CAP2: variants seen among roughly 807,000 people sequenced by gnomAD.
CAP2 encodes the protein cyclase associated actin cytoskeleton regulatory protein 2, also known as adenylyl cyclase-associated protein 2.
A neutral mutation model predicts 57.7 loss-of-function variants in CAP2; 24 were observed. The observed-to-expected ratio is 0.42, with a 90% confidence interval of 0.30 to 0.58. The LOEUF (loss-of-function observed/expected upper bound fraction) is 0.58, where lower values mean the gene tolerates loss of function less well. CAP2 is among the 20% of genes least tolerant of loss of function. The probability of loss-of-function intolerance (pLI) is 0.22; values close to 1 mark genes in which losing one functional copy is unlikely to be tolerated. For synonymous variants in CAP2, 194 were observed against 207.2 expected (o/e 0.94, Z 0.55); for missense variants, 501 against 590.3 (o/e 0.85, Z 1.57).
At chr6:17,552,297 A>C (rs1216664832) in intron 12 of CAP2, among the ~76,000 whole-genome samples, 1 of 152,188 alleles carries the variant, frequency 6.6e-6, no homozygotes. Context: ...AAATAAGTAC[A>C]TTTCCTGGTT....
chr6:17,485,187 G>T (rs569848406), intron 4 of CAP2, among the ~76,000 whole-genome samples: 1 of 152,018 alleles, frequency 6.6e-6, no homozygotes, highest in African/African-American at 2.4e-5. Flanking sequence ...AGTACTGATG[G>T]CATTTTATGT....
chr6:17,551,744 G>T, intron 12 of CAP2, 140 bp downstream of exon 12: 1 of 633,360 alleles, frequency 1.6e-6, no homozygotes, highest in South Asian at 2.3e-5. Flanking sequence ...TCAGGGAGCT[G>T]TCTTCCACAT....
chr6:17,439,556 A>G (rs1415642873), intron 3 of CAP2, among the ~76,000 whole-genome samples: 2 of 151,336 alleles, frequency 1.3e-5, no homozygotes, highest in African/African-American at 4.9e-5. Flanking sequence ...GTTATTATAT[A>G]CTCATCAGAA....
chr6:17,541,767 A>G (rs1015208356), intron 9 of CAP2, among the ~76,000 whole-genome samples: 1 of 152,168 alleles, frequency 6.6e-6, no homozygotes, highest in Non-Finnish European at 1.5e-5. Context: ...CCTTCTGACT[A>G]TATGTTCGTA....
At chr6:17,407,651 C>T (rs907730114) in intron 1 of CAP2, among the ~76,000 whole-genome samples, 7 of 151,562 alleles carry the variant, frequency 4.6e-5, no homozygotes, top group Admixed American at 2.6e-4. Flanking sequence ...TGGTGATGCA[C>T]GCCTGTAATC....
intron 7 of CAP2, among the ~76,000 whole-genome samples, chr6:17,515,341 G>T (rs1762252289): frequency 6.6e-6 from 1 of 152,140 alleles, no homozygotes; most frequent in African/African-American, 2.4e-5. Flanking sequence ...ACTATCCTAA[G>T]CTAATTAACT....
chr6:17,497,196 G>T (rs1381344726), intron 4 of CAP2, among the ~76,000 whole-genome samples: 1 of 152,216 alleles, frequency 6.6e-6, no homozygotes, highest in African/African-American at 2.4e-5. Context: ...ATTGGTTTCA[G>T]CAGTTTTCTC....
chr6:17,533,078 C>CAA (rs58337644), intron 7 of CAP2, among the ~76,000 whole-genome samples: 6 of 87,534 alleles, frequency 6.9e-5, no homozygotes, highest in Admixed American at 1.4e-4. Flanking sequence ...CACCCCCCAC[C>CAA]AAAAAAAAAA....
chr6:17,417,906 T>C (rs914574252), intron 1 of CAP2, among the ~76,000 whole-genome samples: 2 of 152,222 alleles, frequency 1.3e-5, no homozygotes, highest in African/African-American at 4.8e-5. Flanking sequence ...TCCCCCTGGC[T>C]CTGACTCATT....
chr6:17,528,298 A>G (rs1226951427), intron 7 of CAP2, among the ~76,000 whole-genome samples: 1 of 152,262 alleles, frequency 6.6e-6, no homozygotes, highest in Non-Finnish European at 1.5e-5. Context: ...AAACCCCATT[A>G]TAAGTCAAGG....
intron 4 of CAP2, among the ~76,000 whole-genome samples, chr6:17,505,916 A>C (rs1761969856): frequency 6.6e-6 from 1 of 152,056 alleles, no homozygotes; most frequent in East Asian, 1.9e-4. Flanking sequence ...ATTTTTTCAG[A>C]CAGAGTCTCA....
intron 1 of CAP2, among the ~76,000 whole-genome samples, chr6:17,412,845 C>A (rs949763954): frequency 1.3e-5 from 2 of 151,976 alleles, no homozygotes; most frequent in Non-Finnish European, 2.9e-5. Flanking sequence ...TATGTGGTTT[C>A]GATAGTCGAT....
intron 1 of CAP2, among the ~76,000 whole-genome samples, chr6:17,399,194 C>G (rs941993657): frequency 6.6e-6 from 1 of 152,188 alleles, no homozygotes; most frequent in Non-Finnish European, 1.5e-5. Context: ...CTTCCCAGTG[C>G]TGGGATTACA....
intron 1 of CAP2, among the ~76,000 whole-genome samples, chr6:17,404,400 TG>T (rs1362489784): frequency 2.6e-5 from 4 of 152,142 alleles, no homozygotes; most frequent in Admixed American, 2.0e-4. Context: ...GGTCAGGAGA[TG>T]GAGACCATCC....
At chr6:17,472,735 G>A (rs1022135213) in intron 4 of CAP2, among the ~76,000 whole-genome samples, 5 of 152,190 alleles carry the variant, frequency 3.3e-5, no homozygotes, top group African/African-American at 1.2e-4. Flanking sequence ...AGAGGCAGGG[G>A]TTTGTGTGAT....
At chr6:17,475,516 C>T (rs1054184318) in intron 4 of CAP2, among the ~76,000 whole-genome samples, 1 of 151,726 alleles carries the variant, frequency 6.6e-6, no homozygotes, top group Non-Finnish European at 1.5e-5. Flanking sequence ...AAATGAATGC[C>T]TTGGAAGGGA....
intron 4 of CAP2, among the ~76,000 whole-genome samples, chr6:17,494,962 C>T (rs1057300101): frequency 2.6e-5 from 4 of 152,146 alleles, no homozygotes; most frequent in Non-Finnish European, 2.9e-5. Context: ...TGCCTTTGGA[C>T]TCGAATTGAA....
At chr6:17,412,364 G>C (rs1309666779) in intron 1 of CAP2, among the ~76,000 whole-genome samples, 5 of 152,156 alleles carry the variant, frequency 3.3e-5, no homozygotes, top group Non-Finnish European at 5.9e-5. Context: ...ATTTTCTTAA[G>C]CCACTGAATG....
intron 6 of CAP2, among the ~76,000 whole-genome samples, chr6:17,511,218 C>G (rs1212900656): frequency 6.6e-6 from 1 of 152,046 alleles, no homozygotes; most frequent in Non-Finnish European, 1.5e-5. Flanking sequence ...TGAAAGCGGA[C>G]TAAGCAGCAT....
Sources: allele counts gnomAD v4.1 joint callset (sites outside exome capture counted in the v4.1 genomes callset), GRCh38; gene constraint gnomAD v4.1.1; transcripts MANE v1.5; gene names NCBI Gene and HGNC (gene_info 2026-07-23, HGNC 2026-07-21).